CBX5: variants seen among roughly 807,000 people sequenced by gnomAD.
The protein encoded by CBX5 is chromobox 5, also known as chromobox protein homolog 5.
Under a neutral mutation model 20.7 loss-of-function variants are expected in CBX5, and 7 were observed. The observed-to-expected ratio is 0.34, with a 90% CI of 0.19 to 0.63. The LOEUF (loss-of-function observed/expected upper bound fraction) is 0.63, where lower values mean the gene tolerates loss of function less well. Among genes scored for constraint, CBX5 ranks in the 30% least tolerant of loss-of-function variants. The pLI is 0.75. For missense variants in CBX5, 110 were observed against 224.1 expected (o/e 0.49, Z 3.25); for synonymous variants, 78 against 77.0 (o/e 1.01, Z -0.07).
chr12:54,277,956 C>T (rs1170228939), intron 1 of CBX5, among the ~76,000 whole-genome samples: 1 of 152,152 alleles, frequency 6.6e-6, no homozygotes, highest in East Asian at 1.9e-4. Flanking sequence ...AAGCCTCCTA[C>T]CTCAGCCTCA....
At chr12:54,245,609 T>C (rs938592431) in intron 4 of CBX5, among the ~76,000 whole-genome samples, 4 of 151,848 alleles carry the variant, frequency 2.6e-5, no homozygotes, top group Non-Finnish European at 4.4e-5. Flanking sequence ...CTGACCAACA[T>C]AGAGGAACCC....
At chr12:54,278,626 T>C (rs768449864) in intron 1 of CBX5, 1 of 152,224 alleles carries the variant, frequency 6.6e-6, no homozygotes, top group Non-Finnish European at 1.5e-5. Context: ...GCCAATGTTA[T>C]CAAAATTTAT....
At chr12:54,248,680 G>C (rs1236288330) in intron 3 of CBX5, among the ~76,000 whole-genome samples, 2 of 152,172 alleles carry the variant, frequency 1.3e-5, no homozygotes, top group African/African-American at 2.4e-5. Flanking sequence ...ACTGAAAACA[G>C]TTTGCTACAT....
Position 54,257,633 on chromosome 12 carries a change from C to A in CBX5, c.18G>T (p.Lys6Asn), listed in dbSNP as rs1221309559. Residue 6 changes from lysine (K) to asparagine (N), a missense_variant, in exon 2 of 5, where the codon AAG becomes AAT. By Grantham distance (94) the Lys-to-Asn change is moderately conservative. Around this residue, in one of 3 missense-constraint regions of CBX5, gnomAD observed 58 missense variants for 120.6 expected, o/e 0.48. Coordinates refer to ENST00000209875, the MANE Select transcript of CBX5 (RefSeq NM_012117.3). ...CTGAAGAAGAACTGTCAGCTGTCCGCTTGGTTTTCTTTCCCATGTCGCACA... is the reference window on the plus strand; with the variant it reads ...CTGAAGAAGAACTGTCAGCTGTCCGATTGGTTTTCTTTCCCATGTCGCACA... MGKKT[K>N]RTADSSSSED... 1 of 1,614,126 alleles carries A rather than the reference C, an allele frequency of 6.2e-7. No individual in the cohort carries two copies. Among genetic ancestry groups the A allele is most frequent in the Non-Finnish European group, 8.5e-7 (1 of 1,180,056 alleles).
At chr12:54,244,221 G>C (rs555722694) in intron 4 of CBX5, among the ~76,000 whole-genome samples, 1 of 150,424 alleles carries the variant, frequency 6.6e-6, no homozygotes, top group African/African-American at 2.4e-5. Context: ...AGCCAGGATG[G>C]TCTTGATCTC....
chr12:54,269,491 C>T (rs1204855956), intron 1 of CBX5, among the ~76,000 whole-genome samples: 9 of 151,882 alleles, frequency 5.9e-5, no homozygotes, highest in African/African-American at 9.7e-5. Flanking sequence ...GAGGTTCAAG[C>T]GATTCTCCTG....
rs544553918 is a variant in CBX5 at position 54,235,522 on chromosome 12, G to A, written c.*6233C>T. The A allele has an allele frequency of 1.3e-5, 2 of 152,358 alleles. No individual in the cohort carries two copies. Among genetic ancestry groups the A allele is most frequent in the East Asian group, 3.9e-4 (2 of 5,186 alleles). 9.4% of individuals were successfully genotyped at this position (152,358 alleles called of 1,614,324 possible). A position where few individuals can be genotyped will look rare whatever the true frequency, so the allele number is the denominator to read the frequency against. ...CCAGCTCCTCGGGAGGCTGAGGCAG[G>A]AGAATGGCGTGAACCCGGGAGGTGG... On this transcript the variant is annotated 3_prime_UTR_variant, in exon 5 of 5. Coordinates refer to ENST00000209875, the MANE Select transcript of CBX5 (RefSeq NM_012117.3).
rs1362663025 is a variant in CBX5, at chr12:54,240,590, AT to A, written c.*1164del. On this transcript the variant is annotated 3_prime_UTR_variant, in exon 5 of 5. Coordinates refer to ENST00000209875, the MANE Select transcript of CBX5 (RefSeq NM_012117.3). ...TTTGAGGGTAGAAAAAGGGAAGAGC[AT>A]TAATATTTTGGGGACTCTTGGTGGT... The A allele has an allele frequency of 3.3e-5, 5 of 152,156 alleles. No individual in the cohort carries two copies. Among genetic ancestry groups the A allele is most frequent in the African/African-American group, 1.2e-4 (5 of 41,436 alleles). The allele number at this position is 152,156 out of a possible 1,614,324, so 9.4% of individuals were successfully genotyped here.
intron 1 of CBX5, among the ~76,000 whole-genome samples, chr12:54,263,562 G>A (rs1170625628): frequency 6.6e-6 from 1 of 151,538 alleles, no homozygotes. Context: ...GTGAAACCCC[G>A]TCTCTACTAA....
At position 54,240,663 on chromosome 12, in the gene CBX5, T is replaced by G. The variant is rs1032819145; in HGVS notation, c.*1092A>C. The stretch of plus-strand genomic sequence containing the variant: ...AGGAGACATAACTGCTATGAACACT[T>G]AAAATTGATATTGTGGCCAACAGCT... On this transcript the variant is annotated 3_prime_UTR_variant, in exon 5 of 5. Coordinates refer to ENST00000209875, the MANE Select transcript of CBX5 (RefSeq NM_012117.3). 1 of 152,072 alleles carries G rather than the reference T, an allele frequency of 6.6e-6. No homozygotes were observed. The highest frequency in any genetic ancestry group is 6.6e-5 in the Admixed American group (1 of 15,266). The allele number at this position is 152,072 out of a possible 1,614,324, so 9.4% of individuals were successfully genotyped here.
intron 1 of CBX5, among the ~76,000 whole-genome samples, chr12:54,263,167 C>T (rs1475381382): frequency 1.3e-5 from 2 of 152,012 alleles, no homozygotes; most frequent in African/African-American, 4.8e-5. Flanking sequence ...TCCAGACCAA[C>T]CTGGCCAACA....
chr12:54,249,944 C>T (rs1464106182), intron 3 of CBX5, among the ~76,000 whole-genome samples: 3 of 152,132 alleles, frequency 2.0e-5, no homozygotes, highest in Non-Finnish European at 4.4e-5. Context: ...TTAATTGAGC[C>T]AGGCATGGTG....
At chr12:54,248,286 G>A (rs1646238185) in intron 3 of CBX5, among the ~76,000 whole-genome samples, 1 of 152,168 alleles carries the variant, frequency 6.6e-6, no homozygotes, top group Non-Finnish European at 1.5e-5. Context: ...ACCGCACCCG[G>A]CCCAAACTAG....
chr12:54,273,710 A>G (rs891042434), intron 1 of CBX5: 1 of 152,206 alleles, frequency 6.6e-6, no homozygotes, highest in African/African-American at 2.4e-5. Flanking sequence ...ATCAGAAGCT[A>G]AAAGAGGCAA....
intron 1 of CBX5, chr12:54,276,815 T>A (rs1291860244): frequency 6.6e-6 from 1 of 152,148 alleles, no homozygotes; most frequent in East Asian, 1.9e-4. Flanking sequence ...GTGTACAGGA[T>A]TAGTGTAAAA....
intron 2 of CBX5, among the ~76,000 whole-genome samples, chr12:54,254,127 T>G (rs1488175665): frequency 6.6e-6 from 1 of 151,934 alleles, no homozygotes; most frequent in Non-Finnish European, 1.5e-5. Context: ...AAACCCAAAA[T>G]TCAGCCAGGC....
At chr12:54,275,859 G>A (rs951675701) in intron 1 of CBX5, among the ~76,000 whole-genome samples, 2 of 151,740 alleles carry the variant, frequency 1.3e-5, no homozygotes, top group African/African-American at 2.4e-5. Flanking sequence ...TTAGCCGGAC[G>A]TATGCCTGTA....
Position 54,238,426 on chromosome 12 carries a change from A to T in CBX5, c.*3329T>A, listed in dbSNP as rs1261518325. On this transcript the variant is annotated 3_prime_UTR_variant, in exon 5 of 5. Coordinates refer to ENST00000209875, the MANE Select transcript of CBX5 (RefSeq NM_012117.3). ...GCAGGAGTTGATAGAAAACATAACT[A>T]AAAAAGTAGAAGACACTGTTAAATT... The T allele has an allele frequency of 6.6e-6, 1 of 152,228 alleles. No individual in the cohort carries two copies. Among genetic ancestry groups the T allele is most frequent in the Non-Finnish European group, 1.5e-5 (1 of 68,038 alleles). 9.4% of individuals were successfully genotyped at this position (152,228 alleles called of 1,614,324 possible). A position where few individuals can be genotyped will look rare whatever the true frequency, so the allele number is the denominator to read the frequency against.
intron 1 of CBX5, among the ~76,000 whole-genome samples, chr12:54,267,917 G>T (rs865925279): frequency 6.6e-6 from 1 of 152,198 alleles, no homozygotes; most frequent in African/African-American, 2.4e-5. Context: ...GTGGAGGCAG[G>T]CGGATCACTT....
Sources: gnomAD v4.1 joint callset for allele counts (sites outside exome capture counted in the v4.1 genomes callset) on GRCh38, gnomAD v4.1.1 for gene constraint, gnomAD v4.1.1 regional missense constraint, MANE v1.5 for transcripts, NCBI Gene and HGNC (gene_info 2026-07-23, HGNC 2026-07-21) for gene names.